LIPC: variants seen among roughly 807,000 people sequenced by gnomAD.
The protein encoded by LIPC is hepatic triacylglycerol lipase.
LIPC carries 44 observed loss-of-function variants against 50.7 expected under a neutral mutation model. That is an observed-to-expected ratio of 0.87 (90% CI 0.68 to 1.11). The LOEUF is 1.11. LIPC is among the 50% of genes most tolerant of loss of function. LIPC has a pLI of 0.00. For synonymous variants in LIPC, 271 were observed against 256.4 expected (o/e 1.06, Z -0.54); for missense variants, 697 against 648.2 (o/e 1.08, Z -0.82).
chr15:58,527,229 G>A (rs1183532569), intron 1 of LIPC, among the ~76,000 whole-genome samples: 1 of 152,190 alleles, frequency 6.6e-6, no homozygotes, highest in African/African-American at 2.4e-5. Flanking sequence ...CCAGTTGTGG[G>A]CCTTGGCAGT....
intron 6 of LIPC, 50 bp downstream of exon 6, chr15:58,548,622 T>A: frequency 6.4e-7 from 1 of 1,560,006 alleles, no homozygotes; most frequent in Non-Finnish European, 8.7e-7. Context: ...CAGTCCCCTG[T>A]CCAAAGGGCT....
chr15:58,487,563 T>G (rs1321233379), intron 1 of LIPC, among the ~76,000 whole-genome samples: 6 of 152,224 alleles, frequency 3.9e-5, no homozygotes, highest in Non-Finnish European at 4.4e-5. Flanking sequence ...CATTTTTGCT[T>G]CTCAGTTGTT....
intron 1 of LIPC, among the ~76,000 whole-genome samples, chr15:58,511,229 T>A (rs1202759854): frequency 3.3e-5 from 5 of 152,160 alleles, no homozygotes; most frequent in African/African-American, 1.2e-4. Flanking sequence ...AGCTAAGACT[T>A]CTCAGCTGTT....
intron 6 of LIPC, among the ~76,000 whole-genome samples, chr15:58,557,515 G>C (rs919993717): frequency 2.1e-5 from 3 of 144,818 alleles, no homozygotes; most frequent in Non-Finnish European, 4.5e-5. Flanking sequence ...CTCCCCAGCA[G>C]CTGAGACTAC....
At position 58,527,098 on chromosome 15, in the gene LIPC, G is replaced by C. The variant is rs559748038; in HGVS notation, c.89-11235G>C. Among the ~76,000 whole-genome samples the C allele has an allele frequency of 5.8e-4, 88 of 152,308 alleles. 1 individual carries two copies. The South Asian group carries it at 0.018, about 30-fold the overall frequency. On this transcript the variant is annotated intron_variant, in intron 1 of 8. Coordinates refer to ENST00000299022, the MANE Select transcript of LIPC (RefSeq NM_000236.3). ...GGGCCTCCAGATATGGGTGGTGAAG[G>C]GAGGATACAGGTCCAAAAGAATATC...
intron 1 of LIPC, among the ~76,000 whole-genome samples, chr15:58,453,866 C>CAAA (rs398043355): frequency 8.3e-6 from 1 of 120,998 alleles, no homozygotes. Context: ...GACCCTGTCT[C>CAAA]AAAAAAAAAA....
At chr15:58,503,501 C>T (rs1014479416) in intron 1 of LIPC, among the ~76,000 whole-genome samples, 1 of 152,188 alleles carries the variant, frequency 6.6e-6, no homozygotes, top group Non-Finnish European at 1.5e-5. Flanking sequence ...ACTTGGTCTG[C>T]ATGGGGCAGC....
chr15:58,562,410 A>G (rs534297680), intron 7 of LIPC, among the ~76,000 whole-genome samples: 1 of 152,322 alleles, frequency 6.6e-6, no homozygotes, highest in African/African-American at 2.4e-5. Flanking sequence ...TTCAAGTGGT[A>G]TCTTTTGACT....
At position 58,457,919 on chromosome 15, in the gene LIPC, T is replaced by C. The variant is rs34339025; in HGVS notation, c.88+25799T>C. On this transcript the variant is annotated intron_variant, in intron 1 of 8. Transcript: ENST00000299022. ...TCTGCAGGCATTTTCTACATGGCTG[T>C]CTGTGTACATGCCGTGTGGTTAGTC... 6.3e-3 allele frequency among the ~76,000 whole-genome samples: 952 copies of C among 152,304 alleles called. 5 individuals carry two copies. Among genetic ancestry groups the C allele is most frequent in the Non-Finnish European group, 0.012 (803 of 68,032 alleles).
intron 1 of LIPC, chr15:58,523,082 G>A (rs1892702365): frequency 6.6e-6 from 1 of 152,348 alleles, no homozygotes; most frequent in Admixed American, 6.5e-5. Context: ...CCTAACTGAG[G>A]AGCCCCACTT....
At chr15:58,505,426 G>T (rs1391923142) in intron 1 of LIPC, among the ~76,000 whole-genome samples, 5 of 152,234 alleles carry the variant, frequency 3.3e-5, no homozygotes, top group African/African-American at 1.2e-4. Flanking sequence ...ACAAAAAAAT[G>T]TTGACAACAG....
chr15:58,500,913 C>G (rs1456477766), intron 1 of LIPC, among the ~76,000 whole-genome samples: 12 of 152,048 alleles, frequency 7.9e-5, no homozygotes, highest in African/African-American at 2.7e-4. Flanking sequence ...GGAACCCCTA[C>G]CCCCTTGGAA....
At chr15:58,456,534 C>A (rs189337364) in intron 1 of LIPC, among the ~76,000 whole-genome samples, 303 of 152,328 alleles carry the variant, frequency 2.0e-3, no homozygotes, top group African/African-American at 7.0e-3. Flanking sequence ...GCCCAGAGGC[C>A]CCTGGAGGGA....
Position 58,452,162 on chromosome 15 carries a change from C to T in LIPC, c.88+20042C>T, listed in dbSNP as rs562072545. On this transcript the variant is annotated intron_variant, in intron 1 of 8. Coordinates refer to ENST00000299022, the MANE Select transcript of LIPC (RefSeq NM_000236.3). ...TTCCACAGTGATTCTCAAATTGTGG[C>T]CCCCAGGCCAACAGTATCACCATGC... 3.3e-5 allele frequency among the ~76,000 whole-genome samples: 5 copies of T among 152,250 alleles called. No homozygotes were observed. The South Asian group carries it at 1.0e-3, about 32-fold the overall frequency.
chr15:58,468,111 T>C (rs1894641732), intron 1 of LIPC, among the ~76,000 whole-genome samples: 2 of 152,168 alleles, frequency 1.3e-5, no homozygotes, highest in Admixed American at 1.3e-4. Flanking sequence ...ACTCAATGCT[T>C]GGGGAAAGGC....
At chr15:58,439,737 C>G (rs1216867482) in intron 1 of LIPC, among the ~76,000 whole-genome samples, 1 of 152,220 alleles carries the variant, frequency 6.6e-6, no homozygotes, top group Non-Finnish European at 1.5e-5. Flanking sequence ...CCACCGCCCC[C>G]GGCCAGGGCT....
chr15:58,494,019 G>T (rs1019218895), intron 1 of LIPC, among the ~76,000 whole-genome samples: 4 of 152,206 alleles, frequency 2.6e-5, no homozygotes, highest in African/African-American at 9.7e-5. Context: ...ACAGAGGTAA[G>T]ACTCCACTGA....
At chr15:58,524,610 G>A (rs1476819702) in intron 1 of LIPC, among the ~76,000 whole-genome samples, 7 of 152,230 alleles carry the variant, frequency 4.6e-5, no homozygotes, top group African/African-American at 1.7e-4. Context: ...TCTGATGGTT[G>A]AGACTTGTGT....
intron 1 of LIPC, among the ~76,000 whole-genome samples, chr15:58,508,692 C>T (rs1314224381): frequency 2.0e-5 from 3 of 150,410 alleles, no homozygotes; most frequent in African/African-American, 7.4e-5. Context: ...TTACGACTGA[C>T]ATAGTCCCCA....
Sources: gnomAD v4.1 joint callset for allele counts (sites outside exome capture counted in the v4.1 genomes callset) on GRCh38, gnomAD v4.1.1 for gene constraint, MANE v1.5 for transcripts, NCBI Gene and HGNC (gene_info 2026-07-23, HGNC 2026-07-21) for gene names.